TANC1: variants seen among roughly 807,000 people sequenced by gnomAD.
TANC1 encodes the protein protein TANC1.
A neutral mutation model predicts 149.7 loss-of-function variants in TANC1; 77 were observed. That is an observed-to-expected ratio of 0.51 (90% CI 0.43 to 0.62). The LOEUF (loss-of-function observed/expected upper bound fraction) is 0.62. Ranked by LOEUF, TANC1 falls within the 20% of genes least tolerant of loss-of-function variation. TANC1 has a pLI of 0.00. For missense variants in TANC1, 1,985 were observed against 2,321.8 expected (o/e 0.85, Z 2.98); for synonymous variants, 854 against 925.0 (o/e 0.92, Z 1.39).
At chr2:159,153,055 T>C (rs905692923) in intron 7 of TANC1, among the ~76,000 whole-genome samples, 8 of 152,216 alleles carry the variant, frequency 5.3e-5, no homozygotes, top group Admixed American at 2.6e-4. Flanking sequence ...TGTTTTGTTA[T>C]TTAATTTTCT....
At chr2:159,199,139 G>T in intron 19 of TANC1, 86 bp downstream of exon 19, 1 of 924,676 alleles carries the variant, frequency 1.1e-6, no homozygotes, top group South Asian at 1.4e-5. Flanking sequence ...AAGAATGACT[G>T]ATATATGTAG....
intron 3 of TANC1, among the ~76,000 whole-genome samples, chr2:159,078,065 T>A (rs899862963): frequency 6.6e-6 from 1 of 152,246 alleles, no homozygotes; most frequent in East Asian, 1.9e-4. Flanking sequence ...GTTTATGGGC[T>A]ATTTGAAACC....
In TANC1 at chr2:159,083,639, G is replaced by A. The variant is rs562322431; in HGVS notation, c.62-13998G>A. 4.0e-4 allele frequency among the ~76,000 whole-genome samples: 61 copies of A among 152,214 alleles called. 2 individuals carry two copies. Among genetic ancestry groups the A allele is most frequent in the Admixed American group, 2.4e-3 (36 of 15,294 alleles). ...ACACAAAAAGTAATAGCTATTGAAC[G>A]TAATTTTGATGCTTAATTTACATGC... On this transcript the variant is annotated intron_variant, in intron 3 of 26. Transcript: ENST00000263635.
intron 1 of TANC1, among the ~76,000 whole-genome samples, chr2:158,977,758 C>T (rs1242442112): frequency 1.3e-5 from 2 of 151,962 alleles, no homozygotes; most frequent in Admixed American, 1.3e-4. Flanking sequence ...TAGTAGCTGT[C>T]CCTGTTTTAT....
intron 13 of TANC1, among the ~76,000 whole-genome samples, chr2:159,177,526 T>A (rs1217409100): frequency 2.0e-5 from 3 of 152,194 alleles, no homozygotes; most frequent in Non-Finnish European, 4.4e-5. Context: ...GGACATTCAG[T>A]TTGTATATTT....
chr2:159,005,411 C>T (rs112566070), intron 2 of TANC1, among the ~76,000 whole-genome samples: 14,236 of 151,974 alleles, frequency 0.094, 695 homozygotes, highest in Non-Finnish European at 0.11. Context: ...GGCAACATGG[C>T]GAAACCCCAT....
chr2:159,136,090 T>C (rs2050711001), intron 4 of TANC1, 104 bp from the exon 5 acceptor site: 1 of 614,376 alleles, frequency 1.6e-6, no homozygotes, highest in Non-Finnish European at 3.0e-6. Flanking sequence ...CACTGGCTCT[T>C]CCTCTAGGCA....
intron 5 of TANC1, among the ~76,000 whole-genome samples, chr2:159,146,069 G>A (rs1486147267): frequency 1.3e-5 from 2 of 152,198 alleles, no homozygotes; most frequent in Admixed American, 6.5e-5. Flanking sequence ...TGGCTGTTCA[G>A]ATCTCAGTAT....
chr2:159,049,193 T>G (rs2041290873), intron 2 of TANC1, among the ~76,000 whole-genome samples: 1 of 152,238 alleles, frequency 6.6e-6, no homozygotes, highest in African/African-American at 2.4e-5. Flanking sequence ...AGAAATTGTT[T>G]AATTTTCAAA....
intron 4 of TANC1, among the ~76,000 whole-genome samples, chr2:159,103,425 A>G (rs1476574158): frequency 1.0e-5 from 1 of 96,164 alleles, no homozygotes; most frequent in Non-Finnish European, 2.9e-5. Flanking sequence ...GCTTAAATGG[A>G]TGGTGCTTTG....
Position 159,136,061 on chromosome 2 carries a change from C to CGCGTGCGT in TANC1, c.260-132_260-131insCGTGCGTG, listed in dbSNP as rs1553568484. On this transcript the variant is annotated intron_variant, in intron 4 of 26. Coordinates refer to ENST00000263635, the MANE Select transcript of TANC1 (RefSeq NM_033394.3). The stretch of plus-strand genomic sequence containing the variant: ...GTGTGTGTGTGTGTGCGCGCGCGCG[C>CGCGTGCGT]GTTTAAGGGAGGGGAAGGCACTGGC... 9.6e-5 allele frequency: 45 copies of CGCGTGCGT among 468,476 alleles called. 1 individual carries two copies. The highest frequency in any genetic ancestry group is 1.4e-4 in the South Asian group (5 of 35,578). 29.0% of individuals were successfully genotyped at this position (468,476 alleles called of 1,614,324 possible).
At chr2:159,147,359 C>G (rs2052249420) in intron 5 of TANC1, among the ~76,000 whole-genome samples, 1 of 152,222 alleles carries the variant, frequency 6.6e-6, no homozygotes, top group Non-Finnish European at 1.5e-5. Context: ...GCGTCCTGTT[C>G]CCTCCCTCCA....
At chr2:159,112,378 C>T (rs2047816274) in intron 4 of TANC1, among the ~76,000 whole-genome samples, 2 of 152,094 alleles carry the variant, frequency 1.3e-5, no homozygotes, top group African/African-American at 4.8e-5. Flanking sequence ...GCTTCACCCT[C>T]CCAAGTAGCT....
intron 2 of TANC1, among the ~76,000 whole-genome samples, chr2:159,012,267 C>G (rs2037845016): frequency 1.3e-5 from 2 of 152,134 alleles, no homozygotes; most frequent in African/African-American, 4.8e-5. Flanking sequence ...TTGCTGAGGC[C>G]AGTGCTGCTG....
At chr2:159,150,785 A>G in intron 7 of TANC1, 1 of 498,360 alleles carries the variant, frequency 2.0e-6, no homozygotes, top group Non-Finnish European at 3.6e-6. Context: ...GTTAAAAAAA[A>G]AAAAAAAAGG....
rs201655824 is a variant in TANC1, at chr2:159,230,386, G to C, written c.4960G>C (p.Val1654Leu). 1.2e-6 allele frequency: 2 copies of C among 1,614,132 alleles called. No homozygotes were observed. Among genetic ancestry groups the C allele is most frequent in the South Asian group, 1.1e-5 (1 of 91,072 alleles). ...AGGTGGGCTGGCGACCTGCAGCGAC[G>C]TGCGACACCCAGCTTCCCTCACCAG... ...NQGGLATCSD[V>L]RHPASLTSSG... The change falls in exon 27 of 27, where the codon GTG becomes CTG. Residue 1654 changes from valine to leucine, a missense_variant. Physicochemically the swap from Val to Leu is conservative, Grantham distance 32. Transcript: ENST00000263635. This position sits in a 1 kb window ranked among gnomAD's most constrained non-coding sequence, Gnocchi z 4.4.
At chr2:159,019,662 T>TTG (rs2149418741) in intron 2 of TANC1, among the ~76,000 whole-genome samples, 1 of 40,504 alleles carries the variant, frequency 2.5e-5, no homozygotes, top group South Asian at 8.4e-4. Context: ...TGTTTTTTTT[T>TTG]TTTTTTTTTT....
chr2:158,985,485 G>A (rs932554779), intron 1 of TANC1, among the ~76,000 whole-genome samples: 1 of 152,184 alleles, frequency 6.6e-6, no homozygotes, highest in African/African-American at 2.4e-5. Flanking sequence ...GCTGAACAGC[G>A]GGTTTTGTAA....
intron 19 of TANC1, among the ~76,000 whole-genome samples, chr2:159,207,844 A>T (rs1575264526): frequency 6.6e-6 from 1 of 152,114 alleles, no homozygotes; most frequent in East Asian, 1.9e-4. Context: ...TGCCTCATAG[A>T]AGTTGATTGT....
Sources: gnomAD v4.1 joint callset for allele counts (sites outside exome capture counted in the v4.1 genomes callset) on GRCh38, gnomAD v4.1.1 for gene constraint, Gnocchi (gnomAD v3.1) non-coding constraint, MANE v1.5 for transcripts, NCBI Gene and HGNC (gene_info 2026-07-23, HGNC 2026-07-21) for gene names.